MRPL48: variants seen among roughly 807,000 people sequenced by gnomAD.
MRPL48 encodes the protein large ribosomal subunit protein mL48.
In MRPL48, 16 loss-of-function variants were observed where a neutral mutation model predicts 32.9. The ratio of observed to expected loss-of-function variants is 0.49; its 90% confidence interval spans 0.33 to 0.74. The LOEUF is 0.74. Among genes scored for constraint, MRPL48 ranks in the 30% least tolerant of loss-of-function variants. MRPL48 has a pLI of 0.02. For missense variants in MRPL48, 206 were observed against 245.3 expected (o/e 0.84, Z 1.07); for synonymous variants, 94 against 89.2 (o/e 1.05, Z -0.31).
chr11:73,823,654 G>GTTTTTTTTTTTT (rs57616234), intron 3 of MRPL48, among the ~76,000 whole-genome samples: 1 of 105,686 alleles, frequency 9.5e-6, no homozygotes, highest in African/African-American at 3.6e-5. Context: ...TTTCTTTTCT[G>GTTTTTTTTTTTT]TTTTTTTTTT....
chr11:73,829,938 T>A (rs988882783), intron 4 of MRPL48, among the ~76,000 whole-genome samples: 1 of 151,826 alleles, frequency 6.6e-6, no homozygotes, highest in South Asian at 2.1e-4. Flanking sequence ...CTCATTATAT[T>A]TTTGTAGAGA....
chr11:73,819,123 CTAAT>C (rs1258082604), intron 3 of MRPL48, among the ~76,000 whole-genome samples: 3 of 152,176 alleles, frequency 2.0e-5, no homozygotes, highest in Non-Finnish European at 4.4e-5. Context: ...AAACAACTGG[CTAAT>C]TAAGCAGTTT....
chr11:73,810,338 A>G (rs538062770), intron 3 of MRPL48, among the ~76,000 whole-genome samples: 173 of 152,238 alleles, frequency 1.1e-3, no homozygotes, highest in African/African-American at 4.0e-3. Context: ...CCTGACCAAC[A>G]TGGAGAAACC....
chr11:73,838,407 G>C (rs1948139199), intron 4 of MRPL48, among the ~76,000 whole-genome samples: 2 of 152,172 alleles, frequency 1.3e-5, no homozygotes, highest in Non-Finnish European at 2.9e-5. Flanking sequence ...ACATGGGAAA[G>C]CAAATGAGAT....
chr11:73,837,144 A>G (rs954117325), intron 4 of MRPL48, among the ~76,000 whole-genome samples: 2 of 152,240 alleles, frequency 1.3e-5, no homozygotes, highest in Admixed American at 1.3e-4. Context: ...TGCTGCAGGC[A>G]TATCAGCCTT....
At chr11:73,860,085 T>G in intron 6 of MRPL48, 76 bp downstream of exon 6, 1 of 1,235,124 alleles carries the variant, frequency 8.1e-7, no homozygotes, top group South Asian at 1.4e-5. Context: ...CACTTTCTAT[T>G]ATGCTCTTTT....
At chr11:73,836,757 T>G (rs1300387717) in intron 4 of MRPL48, among the ~76,000 whole-genome samples, 1 of 152,154 alleles carries the variant, frequency 6.6e-6, no homozygotes, top group African/African-American at 2.4e-5. Flanking sequence ...GTATTTCCAT[T>G]TCATATAAAT....
intron 3 of MRPL48, among the ~76,000 whole-genome samples, chr11:73,814,157 T>C (rs1453347219): frequency 6.7e-6 from 1 of 149,776 alleles, no homozygotes; most frequent in Admixed American, 6.7e-5. Flanking sequence ...CTTTGGGAGG[T>C]TGAGGGGAAG....
At chr11:73,853,675 A>C (rs986033083) in intron 5 of MRPL48, among the ~76,000 whole-genome samples, 2 of 135,620 alleles carry the variant, frequency 1.5e-5, no homozygotes, top group African/African-American at 5.5e-5. Flanking sequence ...AATTAGAGAT[A>C]GCTTCTTTTT....
intron 2 of MRPL48, among the ~76,000 whole-genome samples, chr11:73,806,625 G>T (rs1947458801): frequency 6.6e-6 from 1 of 151,934 alleles, no homozygotes; most frequent in Non-Finnish European, 1.5e-5. Flanking sequence ...CCTATTCCTA[G>T]GCCTACGATG....
At chr11:73,794,707 T>C (rs191616921) in intron 1 of MRPL48, among the ~76,000 whole-genome samples, 52 of 152,094 alleles carry the variant, frequency 3.4e-4, no homozygotes, top group African/African-American at 1.2e-3. Context: ...AGAAGTATCA[T>C]CCAGCACTTG....
In MRPL48 at chr11:73,833,379, A is replaced by G. The variant is rs150218744; in HGVS notation, c.201+7583A>G. 2.1e-3 allele frequency among the ~76,000 whole-genome samples: 317 copies of G among 152,152 alleles called. 2 individuals carry two copies. The highest frequency in any genetic ancestry group is 7.0e-3 in the African/African-American group (292 of 41,510). Reference sequence around the variant, plus strand: ...TCTTGCCCTGTGTCACCAAATTACAATAGTGTCTGATTTTTAGAGGGATTC... The same window carrying G: ...TCTTGCCCTGTGTCACCAAATTACAGTAGTGTCTGATTTTTAGAGGGATTC... On this transcript the variant is annotated intron_variant, in intron 4 of 7. Transcript: ENST00000310614.
intron 1 of MRPL48, among the ~76,000 whole-genome samples, chr11:73,791,668 C>T (rs1313476275): frequency 6.6e-6 from 1 of 152,188 alleles, no homozygotes; most frequent in Non-Finnish European, 1.5e-5. Flanking sequence ...ATCTGCCCGC[C>T]TCGGCCTCCC....
At chr11:73,827,884 G>A (rs1485698796) in intron 4 of MRPL48, among the ~76,000 whole-genome samples, 16 of 152,198 alleles carry the variant, frequency 1.1e-4, no homozygotes. Flanking sequence ...GTAGTGGGAA[G>A]TCTACTGAAT....
chr11:73,836,829 A>AG (rs1565102378), intron 4 of MRPL48, among the ~76,000 whole-genome samples: 1 of 152,228 alleles, frequency 6.6e-6, no homozygotes, highest in African/African-American at 2.4e-5. Flanking sequence ...AGGCCTAGAA[A>AG]GGTCACACAG....
At chr11:73,807,724 G>A (rs1279524505) in intron 2 of MRPL48, among the ~76,000 whole-genome samples, 2 of 138,298 alleles carry the variant, frequency 1.4e-5, no homozygotes, top group Admixed American at 8.3e-5. Context: ...TGCAACCTCC[G>A]CCTCCCAAGT....
At chr11:73,852,441 G>A (rs1192806349) in intron 5 of MRPL48, among the ~76,000 whole-genome samples, 7 of 132,070 alleles carry the variant, frequency 5.3e-5, no homozygotes, top group Non-Finnish European at 9.9e-5. Context: ...TTTAAAAATC[G>A]ACAAAAGATC....
At chr11:73,810,968 G>A (rs1437815085) in intron 3 of MRPL48, among the ~76,000 whole-genome samples, 1 of 152,160 alleles carries the variant, frequency 6.6e-6, no homozygotes, top group Non-Finnish European at 1.5e-5. Flanking sequence ...CCATGGGAAT[G>A]AATGTGATCA....
chr11:73,850,707 C>T lies in MRPL48; in HGVS notation c.371+5731C>T, dbSNP rs370849581. 3.4e-5 allele frequency: 7 copies of T among 206,394 alleles called. 1 individual carries two copies. The highest frequency in any genetic ancestry group is 3.2e-4 in the South Asian group (5 of 15,454). The allele number at this position is 206,394 out of a possible 1,614,324, so 12.8% of individuals were successfully genotyped here. ...TTTTTTTTTTTTTGAAACGGAGTCT[C>T]GCTCTGTCGCCCAGGCTGGAATGCA... On this transcript the variant is annotated intron_variant, in intron 5 of 7. Transcript: ENST00000310614.
Sources: gnomAD v4.1 joint callset for allele counts (sites outside exome capture counted in the v4.1 genomes callset) on GRCh38, gnomAD v4.1.1 for gene constraint, MANE v1.5 for transcripts, NCBI Gene and HGNC (gene_info 2026-07-23, HGNC 2026-07-21) for gene names.